The following SSUH2 variants were observed in gnomAD, a reference collection of about 807,000 sequenced individuals.
The protein encoded by SSUH2 is protein SSUH2 homolog.
A neutral mutation model predicts 55.3 loss-of-function variants in SSUH2; 47 were observed. The ratio of observed to expected loss-of-function variants is 0.85; its 90% CI spans 0.67 to 1.08. The LOEUF (loss-of-function observed/expected upper bound fraction) is 1.08. Ranked by LOEUF, SSUH2 falls within the 50% of genes least tolerant of loss-of-function variation. The pLI is 0.00. For synonymous variants in SSUH2, 212 were observed against 191.5 expected (o/e 1.11, Z -0.89); for missense variants, 535 against 490.7 (o/e 1.09, Z -0.85).
chr3:8,627,355 A>C (rs1379381360), intron 8 of SSUH2: 3 of 228,260 alleles, frequency 1.3e-5, no homozygotes, highest in Non-Finnish European at 2.5e-5. Flanking sequence ...GTGAGTTAAA[A>C]ATCTGGCCTT....
chr3:8,651,593 G>A (rs1702417989), intron 7 of SSUH2, among the ~76,000 whole-genome samples: 1 of 152,128 alleles, frequency 6.6e-6, no homozygotes, highest in Non-Finnish European at 1.5e-5. Flanking sequence ...TTTTTCACAT[G>A]TTATTAAAGA....
rs1705909390 is a variant in SSUH2, at chr3:8,681,119, G to A, written c.-1046+772C>T. On this transcript the variant is annotated intron_variant, in intron 1 of 18. Transcript: ENST00000317371. ...CACCCCCGCGAGGCGGGTTCTGAGA[G>A]CCAGCCCCTCTTCCCCCCCTGCCTC... Among the ~76,000 whole-genome samples, 4 of 96,430 alleles carry A rather than the reference G, an allele frequency of 4.1e-5. 1 individual carries two copies. The highest frequency in any genetic ancestry group is 7.7e-4 in the South Asian group (2 of 2,592). The allele number at this position is 96,430 out of a possible 152,430, so 63.3% of individuals were successfully genotyped here.
At chr3:8,628,676 G>T (rs574170674) in intron 7 of SSUH2, among the ~76,000 whole-genome samples, 68 of 152,234 alleles carry the variant, frequency 4.5e-4, no homozygotes, top group Non-Finnish European at 9.4e-4. Flanking sequence ...GGGGACTGAA[G>T]TGGCACAGTC....
At chr3:8,649,926 C>T (rs1274712154) in intron 7 of SSUH2, among the ~76,000 whole-genome samples, 1 of 152,204 alleles carries the variant, frequency 6.6e-6, no homozygotes, top group Non-Finnish European at 1.5e-5. Flanking sequence ...CTGCGAGCGA[C>T]CCCCTGCACC....
At chr3:8,669,118 T>C (rs1053832873) in intron 5 of SSUH2, among the ~76,000 whole-genome samples, 48 of 152,278 alleles carry the variant, frequency 3.2e-4, no homozygotes, top group African/African-American at 1.1e-3. Flanking sequence ...CTCATTCAAA[T>C]GAAACAACAA....
intron 1 of SSUH2, chr3:8,679,896 T>G (rs1705838661): frequency 6.6e-6 from 1 of 152,230 alleles, no homozygotes; most frequent in African/African-American, 2.4e-5. Context: ...CTGTGGGGTT[T>G]TGTAGACTGT....
At chr3:8,654,630 C>T (rs420867) in intron 7 of SSUH2, among the ~76,000 whole-genome samples, 31,746 of 152,066 alleles carry the variant, frequency 0.21, 3,563 homozygotes, top group South Asian at 0.24. Context: ...GATGCCGGAG[C>T]TCCAGGGAAA....
At chr3:8,676,683 A>G (rs186381715) in intron 3 of SSUH2, among the ~76,000 whole-genome samples, 1 of 149,326 alleles carries the variant, frequency 6.7e-6, no homozygotes, top group Admixed American at 6.7e-5. Context: ...CTTTCAGGAT[A>G]TTAATAACAA....
intron 5 of SSUH2, among the ~76,000 whole-genome samples, chr3:8,670,781 C>T (rs140734187): frequency 6.6e-6 from 1 of 151,942 alleles, no homozygotes; most frequent in Non-Finnish European, 1.5e-5. Flanking sequence ...CAGGATATGA[C>T]GATTCATATC....
At chr3:8,638,704 C>T (rs1700336754) in intron 1 of SSUH2, among the ~76,000 whole-genome samples, 1 of 152,244 alleles carries the variant, frequency 6.6e-6, no homozygotes, top group Admixed American at 6.5e-5. Flanking sequence ...TGGCCTTTAA[C>T]AAAACCCAGT....
chr3:8,674,009 G>A (rs67623929), intron 3 of SSUH2, among the ~76,000 whole-genome samples: 21,834 of 152,242 alleles, frequency 0.14, 2,074 homozygotes, highest in African/African-American at 0.28. Context: ...CCGTCAAAGC[G>A]CGGAACACGT....
At chr3:8,622,116 G>A (rs1281312206) in intron 11 of SSUH2, among the ~76,000 whole-genome samples, 1 of 152,162 alleles carries the variant, frequency 6.6e-6, no homozygotes, top group Non-Finnish European at 1.5e-5. Flanking sequence ...CCATGGCTGG[G>A]AGATGGAATT....
chr3:8,658,660 C>T (rs961460594), intron 7 of SSUH2, among the ~76,000 whole-genome samples: 2 of 152,204 alleles, frequency 1.3e-5, no homozygotes, highest in African/African-American at 4.8e-5. Flanking sequence ...AAAACAAGCC[C>T]CCGCCAGGCC....
intron 7 of SSUH2, among the ~76,000 whole-genome samples, chr3:8,656,626 T>C (rs1009461094): frequency 6.6e-6 from 1 of 152,084 alleles, no homozygotes; most frequent in African/African-American, 2.4e-5. Flanking sequence ...GCCAACATGA[T>C]GGAAAGGACG....
At chr3:8,653,444 C>T (rs952668163) in intron 7 of SSUH2, among the ~76,000 whole-genome samples, 5 of 152,128 alleles carry the variant, frequency 3.3e-5, no homozygotes, top group African/African-American at 1.2e-4. Context: ...TTTTAAAAAG[C>T]GTAAATGAAA....
chr3:8,637,300 T>A (rs879687514), intron 1 of SSUH2, among the ~76,000 whole-genome samples: 15 of 152,166 alleles, frequency 9.9e-5, no homozygotes, highest in African/African-American at 3.4e-4. Context: ...GAAAAAATCA[T>A]TCACTACGTA....
At chr3:8,622,449 C>A (rs1246329547) in intron 11 of SSUH2, among the ~76,000 whole-genome samples, 1 of 152,120 alleles carries the variant, frequency 6.6e-6, no homozygotes. Context: ...GTTTTCCCAG[C>A]TGCCAAAATA....
At chr3:8,655,572 C>G (rs1702852532) in intron 7 of SSUH2, among the ~76,000 whole-genome samples, 1 of 152,186 alleles carries the variant, frequency 6.6e-6, no homozygotes, top group East Asian at 1.9e-4. Context: ...CTCAGTGGGT[C>G]ATTCTTGCCC....
intron 6 of SSUH2, among the ~76,000 whole-genome samples, chr3:8,660,087 C>T (rs1333037630): frequency 2.6e-5 from 4 of 152,188 alleles, no homozygotes; most frequent in African/African-American, 9.6e-5. Flanking sequence ...CCAGTCAGAT[C>T]CCAGGAGGCG....
Sources: gnomAD v4.1 joint callset for allele counts (sites outside exome capture counted in the v4.1 genomes callset) on GRCh38, gnomAD v4.1.1 for gene constraint, MANE v1.5 for transcripts, NCBI Gene and HGNC (gene_info 2026-07-23, HGNC 2026-07-21) for gene names.